The following TXLNA variants were observed in gnomAD, a reference collection of about 807,000 sequenced individuals.
The protein encoded by TXLNA is alpha-taxilin.
TXLNA carries 9 observed loss-of-function variants against 61.4 expected under a neutral mutation model. That is an observed-to-expected ratio of 0.15 (90% CI 0.09 to 0.26). TXLNA has a LOEUF of 0.26. TXLNA is among the 10% of genes least tolerant of loss of function. The pLI, the probability that TXLNA is intolerant of heterozygous loss-of-function variation, is 1.00. For missense variants in TXLNA, 565 were observed against 688.8 expected (o/e 0.82, Z 2.01); for synonymous variants, 257 against 267.7 (o/e 0.96, Z 0.39).
chr1:32,186,255 A>T (rs1333301417), intron 4 of TXLNA, among the ~76,000 whole-genome samples: 1 of 152,156 alleles, frequency 6.6e-6, no homozygotes, highest in Non-Finnish European at 1.5e-5. Flanking sequence ...CTGCCCAAGA[A>T]GGGGGCTTGG....
At chr1:32,191,127 C>G (rs1642897644) in intron 6 of TXLNA, among the ~76,000 whole-genome samples, 1 of 151,626 alleles carries the variant, frequency 6.6e-6, no homozygotes, top group African/African-American at 2.4e-5. Flanking sequence ...GGATGTCACT[C>G]CCTTTGTCAC....
Position 32,195,199 on chromosome 1 carries a change from G to A in TXLNA, c.*4G>A. The A allele has an allele frequency of 6.3e-7, 1 of 1,576,786 alleles. No individual in the cohort carries two copies. Among genetic ancestry groups the A allele is most frequent in the East Asian group, 2.2e-5 (1 of 44,632 alleles). On this transcript the variant is annotated 3_prime_UTR_variant, in exon 11 of 11. Transcript: ENST00000373610. ...GCCCACCTCCGCCAGGGCCTAGAGA[G>A]CCTGGTGTTGGGTCATGCTGGGAAG...
chr1:32,181,894 T>C (rs145001819), intron 3 of TXLNA, among the ~76,000 whole-genome samples: 2 of 152,280 alleles, frequency 1.3e-5, no homozygotes, highest in Non-Finnish European at 2.9e-5. Flanking sequence ...ACCTTGGGTG[T>C]GTCCCTTCTC....
In TXLNA at chr1:32,197,964, G is replaced by A. The variant is rs1643060903; in HGVS notation, c.*2769G>A. The stretch of plus-strand genomic sequence containing the variant: ...GGTGGCCCTGAGGGCTGACCCGGAG[G>A]CCAGTGGAGCTGCCTGGTGTCCACG... On this transcript the variant is annotated 3_prime_UTR_variant, in exon 11 of 11. Transcript: ENST00000373610. This position sits in a 1 kb window ranked among gnomAD's most constrained non-coding sequence, Gnocchi z 4.6. 6.6e-6 allele frequency: 1 copy of A among 152,550 alleles called. No homozygotes were observed. Among genetic ancestry groups the A allele is most frequent in the Middle Eastern group, 3.4e-3 (1 of 296 alleles). 9.4% of individuals were successfully genotyped at this position (152,550 alleles called of 1,614,324 possible).
chr1:32,181,477 C>T lies in TXLNA; in HGVS notation c.405C>T (p.Pro135=), dbSNP rs1321435832. 6.2e-7 allele frequency: 1 copy of T among 1,612,624 alleles called. No homozygotes were observed. Among genetic ancestry groups the T allele is most frequent in the African/African-American group, 1.3e-5 (1 of 74,926 alleles). ...CAGTAGTCAATGGAGAGAAGGAACC[C>T]TCCAAGGGGGATCCAAACACAGAAG... is the stretch of plus-strand genomic sequence containing the variant. ...PTPVVNGEKE[P]SKGDPNTEEI... The change falls in exon 3 of 11, where the codon CCC becomes CCT. Residue 135 remains proline, a synonymous_variant. Coordinates refer to ENST00000373610, the MANE Select transcript of TXLNA (RefSeq NM_175852.4).
Position 32,195,060 on chromosome 1 carries a change from G to A in TXLNA, c.1506G>A (p.Glu502=). The change falls in exon 11 of 11, where the codon GAG becomes GAA. Residue 502 remains glutamate (E), a synonymous_variant. Transcript: ENST00000373610. Reference sequence around the variant, plus strand: ...GCTCCCTCACTGACAGTGGCCCTGAGAGGAGGCCAGAGGGGCCTGGGGCTC... The same window carrying A: ...GCTCCCTCACTGACAGTGGCCCTGAAAGGAGGCCAGAGGGGCCTGGGGCTC... ...GQGSLTDSGP[E]RRPEGPGAQA... 6.2e-7 allele frequency: 1 copy of A among 1,614,174 alleles called. No homozygotes were observed. The highest frequency in any genetic ancestry group is 8.5e-7 in the Non-Finnish European group (1 of 1,180,018).
At position 32,195,790 on chromosome 1, in the gene TXLNA, G is replaced by A. The variant is rs759653359; in HGVS notation, c.*595G>A. 2.2e-6 allele frequency: 1 copy of A among 456,148 alleles called. No homozygotes were observed. The highest frequency in any genetic ancestry group is 1.5e-5 in the South Asian group (1 of 64,566). The allele number at this position is 456,148 out of a possible 1,614,324, so 28.3% of individuals were successfully genotyped here. On this transcript the variant is annotated 3_prime_UTR_variant, in exon 11 of 11. Coordinates refer to ENST00000373610, the MANE Select transcript of TXLNA (RefSeq NM_175852.4). Reference sequence around the variant, plus strand: ...GGGACCTGGAGAATGTTTTTGCGTGGGATGATGTGCTGGTCAGGAGCCCCT... The same window carrying A: ...GGGACCTGGAGAATGTTTTTGCGTGAGATGATGTGCTGGTCAGGAGCCCCT...
At chr1:32,191,878 A>G (rs1350074524) in intron 6 of TXLNA, among the ~76,000 whole-genome samples, 1 of 152,202 alleles carries the variant, frequency 6.6e-6, no homozygotes, top group African/African-American at 2.4e-5. Context: ...GGGGATGCAC[A>G]TGTCTAGTCT....
At position 32,188,141 on chromosome 1, in the gene TXLNA, T is replaced by A. The variant is rs190164348; in HGVS notation, c.768+17T>A. 85 of 1,526,974 alleles carry A rather than the reference T, an allele frequency of 5.6e-5. No individual in the cohort carries two copies. The highest frequency in any genetic ancestry group is 4.2e-4 in the Admixed American group (20 of 47,568). The allele number at this position is 1,526,974 out of a possible 1,614,324, so 94.6% of individuals were successfully genotyped here. Reference sequence around the variant, plus strand: ...TCCCTCAAGGTAGGCCTGGGCCCCCTGGAACAGGTGACTCTGGTTTCCTTG... The same window carrying A: ...TCCCTCAAGGTAGGCCTGGGCCCCCAGGAACAGGTGACTCTGGTTTCCTTG... On this transcript the variant is annotated intron_variant, in intron 5 of 10. Coordinates refer to ENST00000373610, the MANE Select transcript of TXLNA (RefSeq NM_175852.4).
Position 32,195,269 on chromosome 1 carries a change from C to T in TXLNA, c.*74C>T. Reference sequence around the variant, plus strand: ...GCCTGGCCCATAAAAGGCTCCCATGCTGAGCAGCCCATTGCTGAAGCCAGG... The same window carrying T: ...GCCTGGCCCATAAAAGGCTCCCATGTTGAGCAGCCCATTGCTGAAGCCAGG... On this transcript the variant is annotated 3_prime_UTR_variant, in exon 11 of 11. Transcript: ENST00000373610. 1 of 1,463,176 alleles carries T rather than the reference C, an allele frequency of 6.8e-7. No individual in the cohort carries two copies. Among genetic ancestry groups the T allele is most frequent in the Non-Finnish European group, 9.1e-7 (1 of 1,097,480 alleles). 90.6% of individuals were successfully genotyped at this position (1,463,176 alleles called of 1,614,324 possible). A position where few individuals can be genotyped will look rare whatever the true frequency, so the allele number is the denominator to read the frequency against.
At chr1:32,194,821 T>A in intron 10 of TXLNA, 81 bp from the exon 11 acceptor site, 2 of 1,500,738 alleles carry the variant, frequency 1.3e-6, no homozygotes, top group Admixed American at 2.1e-5. Context: ...CTCAGCCTTG[T>A]TAAAGTGTTT....
chr1:32,184,067 T>A (rs900158963), intron 3 of TXLNA, among the ~76,000 whole-genome samples: 1 of 152,232 alleles, frequency 6.6e-6, no homozygotes, highest in Non-Finnish European at 1.5e-5. Context: ...GTTCACTGTT[T>A]GGCTACTCTG....
chr1:32,182,704 T>C (rs1216404043), intron 3 of TXLNA, among the ~76,000 whole-genome samples: 1 of 151,374 alleles, frequency 6.6e-6, no homozygotes, highest in Non-Finnish European at 1.5e-5. Context: ...CGAGTGTCAT[T>C]ATATCCATGT....
chr1:32,182,983 CTT>C (rs1226883316), intron 3 of TXLNA, among the ~76,000 whole-genome samples: 6 of 151,554 alleles, frequency 4.0e-5, no homozygotes, highest in Admixed American at 1.3e-4. Context: ...AGGAGAATCA[CTT>C]GAACCCGTGA....
Position 32,195,209 on chromosome 1 carries a change from G to A in TXLNA, c.*14G>A, listed in dbSNP as rs1398847632. 1.9e-6 allele frequency: 3 copies of A among 1,556,108 alleles called. No individual in the cohort carries two copies. The highest frequency in any genetic ancestry group is 2.0e-5 in the Admixed American group (1 of 49,720). ...GCCAGGGCCTAGAGAGCCTGGTGTT[G>A]GGTCATGCTGGGAAGGGAGCGGCAG... On this transcript the variant is annotated 3_prime_UTR_variant, in exon 11 of 11. Transcript: ENST00000373610.
At position 32,192,486 on chromosome 1, in the gene TXLNA, G is replaced by A. The variant is rs984689129; in HGVS notation, c.1083+56G>A. On this transcript the variant is annotated intron_variant, in intron 7 of 10. Coordinates refer to ENST00000373610, the MANE Select transcript of TXLNA (RefSeq NM_175852.4). This position sits in a 1 kb window ranked among gnomAD's most constrained non-coding sequence, Gnocchi z 4.2. ...GGTGGGAGGAGACAGGCTGGGCTCT[G>A]GCTCAGCTCATAGCCGGGTTATATG... 5.6e-6 allele frequency: 9 copies of A among 1,607,072 alleles called. No homozygotes were observed. Among genetic ancestry groups the A allele is most frequent in the Admixed American group, 3.3e-5 (2 of 59,702 alleles).
rs1256380890 is a variant in TXLNA, at chr1:32,190,217, A to G, written c.931A>G (p.Lys311Glu). ...ENMELAERLK[K>E]LIEQYELREE... is the part of the protein sequence containing the mutation. ...CATGGAGCTGGCTGAGAGGCTCAAG[A>G]AGCTGATTGAGCAGTATGAGCTGCG... The change falls in exon 6 of 11, where the codon AAG becomes GAG. Residue 311 changes from lysine to glutamate, a missense_variant. Physicochemically the swap from Lys to Glu is moderately conservative, Grantham distance 56. Coordinates refer to ENST00000373610, the MANE Select transcript of TXLNA (RefSeq NM_175852.4). 1.2e-6 allele frequency: 2 copies of G among 1,605,854 alleles called. No homozygotes were observed. Among genetic ancestry groups the G allele is most frequent in the Non-Finnish European group, 8.5e-7 (1 of 1,175,896 alleles).
chr1:32,195,107 T>G lies in TXLNA; in HGVS notation c.1553T>G (p.Val518Gly). ...PGAQAPSSPR[V>G]TEAPCYPGAP... ...GCTCAAGCACCCAGCTCCCCCAGGG[T>G]CACAGAAGCGCCTTGCTACCCAGGA... The change falls in exon 11 of 11, where the codon GTC becomes GGC. Residue 518 changes from valine to glycine, a missense_variant. By Grantham distance (109) the Val-to-Gly change is moderately radical. Coordinates refer to ENST00000373610, the MANE Select transcript of TXLNA (RefSeq NM_175852.4). 6.2e-7 allele frequency: 1 copy of G among 1,613,762 alleles called. No homozygotes were observed. Among genetic ancestry groups the G allele is most frequent in the Non-Finnish European group, 8.5e-7 (1 of 1,179,910 alleles).
In TXLNA at chr1:32,195,477, C is replaced by A. The variant is rs986031718; in HGVS notation, c.*282C>A. The A allele has an allele frequency of 9.1e-6, 5 of 548,482 alleles. No homozygotes were observed. Among genetic ancestry groups the A allele is most frequent in the Non-Finnish European group, 1.6e-5 (5 of 305,462 alleles). 34.0% of individuals were successfully genotyped at this position (548,482 alleles called of 1,614,324 possible). A position where few individuals can be genotyped will look rare whatever the true frequency, so the allele number is the denominator to read the frequency against. On this transcript the variant is annotated 3_prime_UTR_variant, in exon 11 of 11. Transcript: ENST00000373610. ...GTGGCTTGTCTGTGAGCTGAAGAGT[C>A]TTGAGAGGGGCTGTCATCTGTAGCT...
Sources: gnomAD v4.1 joint callset for allele counts (sites outside exome capture counted in the v4.1 genomes callset) on GRCh38, gnomAD v4.1.1 for gene constraint, Gnocchi (gnomAD v3.1) non-coding constraint, MANE v1.5 for transcripts, NCBI Gene and HGNC (gene_info 2026-07-23, HGNC 2026-07-21) for gene names.